Variants in PRKN observed in about 807,000 individuals in gnomAD.
The protein encoded by PRKN is E3 ubiquitin-protein ligase parkin.
In PRKN, 56 loss-of-function variants were observed where a neutral mutation model predicts 59.5. The ratio of observed to expected loss-of-function variants is 0.94; its 90% CI spans 0.76 to 1.18. The LOEUF is 1.18. PRKN is among the 50% of genes most tolerant of loss of function. The probability of loss-of-function intolerance (pLI) is 0.00; values close to 1 mark genes in which losing one functional copy is unlikely to be tolerated. For synonymous variants in PRKN, 250 were observed against 222.1 expected, an observed-to-expected ratio of 1.13 and a Z score of -1.12; for missense variants, 657 against 596.4, an observed-to-expected ratio of 1.10 and a Z score of -1.06.
chr6:161,436,093 GAGCAGAGAGCA>G (rs1788878744), intron 9 of PRKN, among the ~76,000 whole-genome samples: 1 of 108,190 alleles, frequency 9.2e-6, no homozygotes, highest in African/African-American at 3.6e-5. Context: ...CAGAATGGGA[GAGCAGAGAGCA>G]GGGGAGGAGG....
intron 2 of PRKN, among the ~76,000 whole-genome samples, chr6:162,403,867 C>G (rs1163462593): frequency 2.6e-5 from 4 of 152,134 alleles, no homozygotes; most frequent in Non-Finnish European, 5.9e-5. Flanking sequence ...AGGTGGCTCA[C>G]TTATCATCAT....
chr6:161,545,288 C>T lies in PRKN; in HGVS notation c.1083+3566G>A. On this transcript the variant is annotated intron_variant, in intron 9 of 11. Coordinates refer to ENST00000366898, the MANE Select transcript of PRKN (RefSeq NM_004562.3). This position sits in a 1 kb window ranked among gnomAD's most constrained non-coding sequence, Gnocchi z 4.1. Reference sequence around the variant, plus strand: ...TCTGTGAACCACATCCTGATAATCACTGGAGTTAATGACGTCTAGGGCTTT... The same window carrying T: ...TCTGTGAACCACATCCTGATAATCATTGGAGTTAATGACGTCTAGGGCTTT... 1 of 1,516,866 alleles carries T rather than the reference C, an allele frequency of 6.6e-7. No individual in the cohort carries two copies. Among genetic ancestry groups the T allele is most frequent in the Non-Finnish European group, 8.9e-7 (1 of 1,129,926 alleles). The allele number at this position is 1,516,866 out of a possible 1,614,324, so 94.0% of individuals were successfully genotyped here.
intron 1 of PRKN, among the ~76,000 whole-genome samples, chr6:162,707,542 T>C (rs574707296): frequency 6.6e-6 from 1 of 151,932 alleles, no homozygotes; most frequent in East Asian, 1.9e-4. Context: ...ACAAATATTC[T>C]ATTTCATTGT....
chr6:162,393,690 A>G (rs1470034140), intron 2 of PRKN, among the ~76,000 whole-genome samples: 1 of 152,224 alleles, frequency 6.6e-6, no homozygotes, highest in Admixed American at 6.5e-5. Flanking sequence ...TATTGTGGTA[A>G]GAGTAAATAA....
chr6:162,130,265 A>G (rs532904522), intron 4 of PRKN, among the ~76,000 whole-genome samples: 88 of 152,278 alleles, frequency 5.8e-4, no homozygotes, highest in Non-Finnish European at 1.1e-3. Flanking sequence ...TTAAATAGAA[A>G]TATCTTGTTT....
chr6:162,566,603 A>C (rs1780091355), intron 1 of PRKN, among the ~76,000 whole-genome samples: 1 of 152,140 alleles, frequency 6.6e-6, no homozygotes, highest in South Asian at 2.1e-4. Flanking sequence ...CAAAACCCAA[A>C]CAGACCAATA....
At chr6:161,818,329 AAT>A (rs1791875516) in intron 6 of PRKN, among the ~76,000 whole-genome samples, 2 of 41,752 alleles carry the variant, frequency 4.8e-5, no homozygotes, top group South Asian at 1.7e-3. Flanking sequence ...CACTTGTTTT[AAT>A]TTTTTTTTTT....
At chr6:162,694,343 CAG>C (rs1777895289) in intron 1 of PRKN, among the ~76,000 whole-genome samples, 1 of 151,674 alleles carries the variant, frequency 6.6e-6, no homozygotes, top group African/African-American at 2.4e-5. Flanking sequence ...TTCTACATGG[CAG>C]AGATAGCAGT....
intron 4 of PRKN, among the ~76,000 whole-genome samples, chr6:162,066,635 A>G (rs1319682707): frequency 2.0e-5 from 3 of 152,176 alleles, no homozygotes; most frequent in Non-Finnish European, 2.9e-5. Context: ...TCCCTACTGG[A>G]GCACATAGAA....
At chr6:161,831,581 C>T (rs966043893) in intron 6 of PRKN, among the ~76,000 whole-genome samples, 2 of 152,152 alleles carry the variant, frequency 1.3e-5, no homozygotes, top group African/African-American at 2.4e-5. Context: ...GTGAACTTGG[C>T]GAGGGAGCAC....
At position 162,546,696 on chromosome 6, in the gene PRKN, G is replaced by A. The variant is rs549799652; in HGVS notation, c.8-103223C>T. Among the ~76,000 whole-genome samples, 16 of 152,046 alleles carry A rather than the reference G, an allele frequency of 1.1e-4. No individual in the cohort carries two copies. In the East Asian group the frequency reaches 1.9e-3, roughly 18 times the overall value. On this transcript the variant is annotated intron_variant, in intron 1 of 11. Transcript: ENST00000366898. ...TGACCTCAGGTGATCCACCCTCCTC[G>A]GCCTCCCAAAATACTGGGATTACAG...
chr6:162,720,215 C>A (rs1055862110), intron 1 of PRKN, among the ~76,000 whole-genome samples: 1 of 152,114 alleles, frequency 6.6e-6, no homozygotes, highest in African/African-American at 2.4e-5. Context: ...AATATTAACT[C>A]CCTAATCACC....
Position 162,334,115 on chromosome 6 carries a change from C to T in PRKN, c.172-71350G>A, listed in dbSNP as rs117620046. ...AGGTTGAAGCTAGCAGAGGTTGGTT[C>T]ATGAGGATTAAGGAAAGAAACTGTC... On this transcript the variant is annotated intron_variant, in intron 2 of 11. Coordinates refer to ENST00000366898, the MANE Select transcript of PRKN (RefSeq NM_004562.3). Among the ~76,000 whole-genome samples, 947 of 152,244 alleles carry T rather than the reference C, an allele frequency of 6.2e-3. 5 individuals carry two copies. The highest frequency in any genetic ancestry group is 9.7e-3 in the Non-Finnish European group (658 of 68,028).
At chr6:162,592,627 T>C (rs995723009) in intron 1 of PRKN, among the ~76,000 whole-genome samples, 2 of 152,094 alleles carry the variant, frequency 1.3e-5, no homozygotes, top group Admixed American at 6.6e-5. Context: ...GTGTTCACTT[T>C]TTGCCCTGTA....
At chr6:161,522,268 G>C (rs550152491) in intron 9 of PRKN, among the ~76,000 whole-genome samples, 1 of 152,170 alleles carries the variant, frequency 6.6e-6, no homozygotes, top group African/African-American at 2.4e-5. Flanking sequence ...ACAAGAGACC[G>C]ATGACAGGCG....
chr6:161,355,409 T>G lies in PRKN; in HGVS notation c.1285+4679A>C, dbSNP rs1388902948. ...AAGTTTTTGTGTGTTTGTGTTTTAT[T>G]TATTCTTTTTGAGACGGAGTCTCAC... On this transcript the variant is annotated intron_variant, in intron 11 of 11. Coordinates refer to ENST00000366898, the MANE Select transcript of PRKN (RefSeq NM_004562.3). The surrounding 1 kb of genome is among the most constrained non-coding windows in gnomAD (Gnocchi z 6.8). 3.3e-5 allele frequency among the ~76,000 whole-genome samples: 5 copies of G among 152,232 alleles called. No homozygotes were observed. Among genetic ancestry groups the G allele is most frequent in the African/African-American group, 7.2e-5 (3 of 41,454 alleles).
rs34040894 is a variant in PRKN, at chr6:161,854,084, TA to T, written c.735-68177del. ...ATCATGGTGAAACCCTGTTTCTACA[TA>T]AAAAAAAAAAAAAAAAAAAATTAGC... On this transcript the variant is annotated intron_variant, in intron 6 of 11. Coordinates refer to ENST00000366898, the MANE Select transcript of PRKN (RefSeq NM_004562.3). 3.2e-3 allele frequency among the ~76,000 whole-genome samples: 336 copies of T among 103,660 alleles called. 2 individuals are homozygous for T. Among genetic ancestry groups the T allele is most frequent in the African/African-American group, 7.9e-3 (199 of 25,294 alleles). 68.0% of individuals were successfully genotyped at this position (103,660 alleles called of 152,430 possible). A position where few individuals can be genotyped will look rare whatever the true frequency, so the allele number is the denominator to read the frequency against.
chr6:162,454,952 G>A (rs889995445), intron 1 of PRKN, among the ~76,000 whole-genome samples: 1 of 152,176 alleles, frequency 6.6e-6, no homozygotes, highest in Non-Finnish European at 1.5e-5. Flanking sequence ...GAACGATGAT[G>A]TATTTTTTAG....
At chr6:161,700,452 C>T (rs751983838) in intron 7 of PRKN, among the ~76,000 whole-genome samples, 7 of 152,088 alleles carry the variant, frequency 4.6e-5, no homozygotes, top group Non-Finnish European at 8.8e-5. Context: ...AATTACATTG[C>T]CCTGTTTACT....
Sources: allele counts gnomAD v4.1 joint callset (sites outside exome capture counted in the v4.1 genomes callset), GRCh38; gene constraint gnomAD v4.1.1; non-coding constraint Gnocchi (gnomAD v3.1); transcripts MANE v1.5; gene names NCBI Gene and HGNC (gene_info 2026-07-23, HGNC 2026-07-21).